The following PTPRT variants were observed in gnomAD, a reference collection of about 807,000 sequenced individuals.
PTPRT encodes the protein receptor-type tyrosine-protein phosphatase T.
A neutral mutation model predicts 176.8 loss-of-function variants in PTPRT; 56 were observed. The ratio of observed to expected loss-of-function variants is 0.32; its 90% CI spans 0.26 to 0.40. The LOEUF (loss-of-function observed/expected upper bound fraction) is 0.40. Among genes scored for constraint, PTPRT ranks in the 10% least tolerant of loss-of-function variants. The probability of loss-of-function intolerance (pLI) is 1.00; values close to 1 mark genes in which losing one functional copy is unlikely to be tolerated. For synonymous variants in PTPRT, 783 were observed against 739.0 expected (o/e 1.06, Z -0.96); for missense variants, 1,540 against 1,908.2 (o/e 0.81, Z 3.60).
chr20:42,308,650 A>G (rs1007408907), intron 12 of PTPRT, among the ~76,000 whole-genome samples: 4 of 152,316 alleles, frequency 2.6e-5, no homozygotes, highest in Middle Eastern at 3.4e-3. Flanking sequence ...GAGGCAGATC[A>G]TTAATCATAT....
chr20:42,189,148 C>T (rs1703509739), intron 16 of PTPRT, among the ~76,000 whole-genome samples: 1 of 152,064 alleles, frequency 6.6e-6, no homozygotes, highest in Admixed American at 6.5e-5. Flanking sequence ...ACATTCTTGA[C>T]ACAGAGTATC....
At chr20:43,017,844 G>A (rs1322290308) in intron 1 of PTPRT, among the ~76,000 whole-genome samples, 1 of 152,172 alleles carries the variant, frequency 6.6e-6, no homozygotes, top group Non-Finnish European at 1.5e-5. Flanking sequence ...GAAGACAGTG[G>A]GCACTGAGGC....
chr20:42,869,425 C>G (rs2078806387), intron 2 of PTPRT, among the ~76,000 whole-genome samples: 1 of 152,174 alleles, frequency 6.6e-6, no homozygotes, highest in Non-Finnish European at 1.5e-5. Context: ...GACGTAGAGT[C>G]AAAGAAGATC....
At chr20:42,339,964 C>T (rs2058089756) in intron 11 of PTPRT, among the ~76,000 whole-genome samples, 1 of 152,130 alleles carries the variant, frequency 6.6e-6, no homozygotes, top group Non-Finnish European at 1.5e-5. Context: ...GCCTTTACCT[C>T]TCTCCCCAAA....
intron 9 of PTPRT, among the ~76,000 whole-genome samples, chr20:42,378,841 A>T (rs1434375569): frequency 6.6e-6 from 1 of 152,234 alleles, no homozygotes; most frequent in Non-Finnish European, 1.5e-5. Flanking sequence ...TGATTAAATA[A>T]TTCATGCAAA....
intron 6 of PTPRT, among the ~76,000 whole-genome samples, chr20:42,741,212 T>C (rs2076604432): frequency 6.6e-6 from 1 of 152,218 alleles, no homozygotes; most frequent in African/African-American, 2.4e-5. Context: ...TCAAAGGTCA[T>C]GGTAACTTCT....
At chr20:42,900,671 C>G (rs1194223155) in intron 1 of PTPRT, among the ~76,000 whole-genome samples, 1 of 152,120 alleles carries the variant, frequency 6.6e-6, no homozygotes, top group African/African-American at 2.4e-5. Context: ...AATAATAGTA[C>G]ATTGTTGGGA....
intron 19 of PTPRT, among the ~76,000 whole-genome samples, chr20:42,128,101 A>G (rs948928013): frequency 6.6e-6 from 1 of 152,152 alleles, no homozygotes; most frequent in Non-Finnish European, 1.5e-5. Flanking sequence ...TGGAGCTGCT[A>G]TGTATCTCCT....
At position 42,465,051 on chromosome 20, in the gene PTPRT, ATAT is replaced by A. The variant is rs564745100; in HGVS notation, c.1450+7212_1450+7214del. On this transcript the variant is annotated intron_variant, in intron 8 of 30. Coordinates refer to ENST00000373187, the MANE Select transcript of PTPRT (RefSeq NM_007050.6). ...TGATTAACTGTATTAAATATCAATA[ATAT>A]TATGGTATATATTAAGTTATTAATT... 3.0e-3 allele frequency among the ~76,000 whole-genome samples: 458 copies of A among 152,106 alleles called. 1 individual carries two copies. Among genetic ancestry groups the A allele is most frequent in the Non-Finnish European group, 4.8e-3 (323 of 67,984 alleles).
intron 12 of PTPRT, among the ~76,000 whole-genome samples, chr20:42,293,594 T>C (rs894759766): frequency 6.6e-6 from 1 of 152,212 alleles, no homozygotes; most frequent in African/African-American, 2.4e-5. Context: ...TGCAAGGATT[T>C]GAATATTATG....
At chr20:42,113,516 A>C (rs759589725) in intron 22 of PTPRT, among the ~76,000 whole-genome samples, 1 of 152,228 alleles carries the variant, frequency 6.6e-6, no homozygotes, top group Non-Finnish European at 1.5e-5. Context: ...GTTACCCCTC[A>C]GTGGATGGTC....
At chr20:42,925,146 G>A (rs527477711) in intron 1 of PTPRT, among the ~76,000 whole-genome samples, 1 of 152,182 alleles carries the variant, frequency 6.6e-6, no homozygotes, top group Admixed American at 6.5e-5. Context: ...TTTTAGGCAT[G>A]CTTCCTAAAC....
At chr20:42,245,101 G>T (rs1172319338) in intron 14 of PTPRT, among the ~76,000 whole-genome samples, 1 of 152,144 alleles carries the variant, frequency 6.6e-6, no homozygotes, top group East Asian at 1.9e-4. Flanking sequence ...TAATGACATG[G>T]GGTACCCATT....
At chr20:42,071,589 T>C (rs2146039559), downstream of PTPRT, among the ~76,000 whole-genome samples, 1 of 152,336 alleles carries the variant, frequency 6.6e-6, no homozygotes, top group East Asian at 1.9e-4. Flanking sequence ...ACTCTGAGAT[T>C]AGAGAGTTAA....
At chr20:42,248,614 A>G (rs1293972349) in intron 14 of PTPRT, 73 bp downstream of exon 14, 1 of 1,561,364 alleles carries the variant, frequency 6.4e-7, no homozygotes, top group Non-Finnish European at 8.8e-7. Context: ...CAACAGAGCA[A>G]AAACCTGGCC....
At chr20:42,170,942 T>C (rs1161054423) in intron 16 of PTPRT, among the ~76,000 whole-genome samples, 1 of 152,184 alleles carries the variant, frequency 6.6e-6, no homozygotes, top group African/African-American at 2.4e-5. Context: ...ATTATTGATG[T>C]AGAAATACTC....
At chr20:43,142,368 A>C (rs2146402910) in intron 1 of PTPRT, among the ~76,000 whole-genome samples, 1 of 152,346 alleles carries the variant, frequency 6.6e-6, no homozygotes, top group African/African-American at 2.4e-5. Flanking sequence ...TGAAAGTTGA[A>C]GATGGCAGAA....
chr20:42,261,543 G>C (rs896497853), intron 13 of PTPRT, among the ~76,000 whole-genome samples: 1 of 152,042 alleles, frequency 6.6e-6, no homozygotes, highest in Non-Finnish European at 1.5e-5. Flanking sequence ...GCAGGAGCGG[G>C]AGCTCAGCAT....
At chr20:42,753,923 A>C (rs16987335) in intron 6 of PTPRT, among the ~76,000 whole-genome samples, 6,072 of 152,210 alleles carry the variant, frequency 0.04, 385 homozygotes, top group African/African-American at 0.14. Context: ...CAGAGTGCTA[A>C]ACTAACTCCC....
Sources: gnomAD v4.1 joint callset for allele counts (sites outside exome capture counted in the v4.1 genomes callset) on GRCh38, gnomAD v4.1.1 for gene constraint, MANE v1.5 for transcripts, NCBI Gene and HGNC (gene_info 2026-07-23, HGNC 2026-07-21) for gene names.